Variants in PTPRM observed in about 807,000 individuals in gnomAD.
PTPRM encodes receptor-type tyrosine-protein phosphatase mu.
In PTPRM, 47 loss-of-function variants were observed where a neutral mutation model predicts 186.7. That is an observed-to-expected ratio of 0.25 (90% CI 0.20 to 0.32). The LOEUF is 0.32. Among genes scored for constraint, PTPRM ranks in the 10% least tolerant of loss-of-function variants. The pLI is 1.00. For synonymous variants in PTPRM, 668 were observed against 674.9 expected (o/e 0.99, Z 0.16); for missense variants, 1,494 against 1,865.0 (o/e 0.80, Z 3.66).
intron 1 of PTPRM, among the ~76,000 whole-genome samples, chr18:7,584,357 C>T (rs1049651068): frequency 5.9e-5 from 9 of 152,094 alleles, no homozygotes; most frequent in South Asian, 2.1e-4. Flanking sequence ...AGGTGTTTGT[C>T]GTCGATTGTT....
At chr18:8,027,305 G>A (rs192962290) in intron 7 of PTPRM, among the ~76,000 whole-genome samples, 98 of 152,030 alleles carry the variant, frequency 6.4e-4, no homozygotes, top group Non-Finnish European at 1.1e-3. Context: ...CAATTATTTC[G>A]TGATCTTAGT....
At chr18:8,226,158 A>T (rs1446442648) in intron 14 of PTPRM, among the ~76,000 whole-genome samples, 2 of 149,982 alleles carry the variant, frequency 1.3e-5, no homozygotes, top group Admixed American at 6.6e-5. Flanking sequence ...TAAAAAAAAA[A>T]TGCATCACTC....
chr18:8,379,066 T>A, intron 27 of PTPRM, 101 bp from the exon 28 acceptor site: 1 of 965,462 alleles, frequency 1.0e-6, no homozygotes. Flanking sequence ...GGGACCGTCT[T>A]GCAGTCAGCC....
Position 7,617,001 on chromosome 18 carries a change from G to A in PTPRM, c.73+49110G>A, listed in dbSNP as rs373946912. Reference sequence around the variant, plus strand: ...TCTGATCAAACAGAAGTACAGAGAGGGAGGTTCTGCATTCACAAAAAATCA... The same window carrying A: ...TCTGATCAAACAGAAGTACAGAGAGAGAGGTTCTGCATTCACAAAAAATCA... On this transcript the variant is annotated intron_variant, in intron 1 of 32. Coordinates refer to ENST00000580170, the MANE Select transcript of PTPRM (RefSeq NM_001105244.2). Among the ~76,000 whole-genome samples the A allele has an allele frequency of 7.2e-5, 11 of 152,250 alleles. No individual in the cohort carries two copies. The East Asian group carries it at 1.7e-3, about 24-fold the overall frequency.
At chr18:7,983,689 A>G (rs1476274461) in intron 7 of PTPRM, among the ~76,000 whole-genome samples, 1 of 152,150 alleles carries the variant, frequency 6.6e-6, no homozygotes, top group African/African-American at 2.4e-5. Context: ...AACTAGGAGC[A>G]GTCCTACTTT....
intron 1 of PTPRM, among the ~76,000 whole-genome samples, chr18:7,748,830 T>A (rs1363985321): frequency 6.6e-6 from 1 of 152,134 alleles, no homozygotes; most frequent in Non-Finnish European, 1.5e-5. Context: ...AGCCTTCCAT[T>A]CCCATTATTG....
intron 14 of PTPRM, among the ~76,000 whole-genome samples, chr18:8,202,388 A>G (rs1036249526): frequency 8.5e-5 from 13 of 152,270 alleles, no homozygotes; most frequent in African/African-American, 3.1e-4. Flanking sequence ...GCCATATTCT[A>G]GTTATCATAT....
In PTPRM at chr18:8,126,016, TATATA is replaced by T. The variant is rs1185925249; in HGVS notation, c.2167+11190_2167+11194del. Among the ~76,000 whole-genome samples the T allele has an allele frequency of 5.7e-3, 168 of 29,616 alleles. 14 individuals are homozygous for T. The highest frequency in any genetic ancestry group is 0.034 in the Middle Eastern group (2 of 58). 19.4% of individuals were successfully genotyped at this position (29,616 alleles called of 152,430 possible). On this transcript the variant is annotated intron_variant, in intron 13 of 32. Transcript: ENST00000580170. Reference sequence around the variant, plus strand: ...ATATATATATATATATATATATATATATATATATATATTTTAAATCAGTAGACCTT... The same window carrying T: ...ATATATATATATATATATATATATATTATATATTTTAAATCAGTAGACCTT...
chr18:7,895,247 G>T (rs527457304), intron 3 of PTPRM, among the ~76,000 whole-genome samples: 1 of 152,140 alleles, frequency 6.6e-6, no homozygotes, highest in South Asian at 2.1e-4. Flanking sequence ...GCACATTGGG[G>T]ATATGCTAGC....
At chr18:8,082,033 G>A (rs374469950) in intron 9 of PTPRM, among the ~76,000 whole-genome samples, 6 of 152,080 alleles carry the variant, frequency 3.9e-5, no homozygotes, top group South Asian at 2.1e-4. Context: ...TTAGTAAAGC[G>A]TTTGCTTGAT....
chr18:8,192,523 G>A (rs1005805578), intron 14 of PTPRM, among the ~76,000 whole-genome samples: 1 of 152,144 alleles, frequency 6.6e-6, no homozygotes, highest in Non-Finnish European at 1.5e-5. Flanking sequence ...GGGACAATTT[G>A]ATCACCCAAA....
intron 7 of PTPRM, among the ~76,000 whole-genome samples, chr18:8,041,912 G>A (rs1423717519): frequency 6.6e-6 from 1 of 152,216 alleles, no homozygotes; most frequent in East Asian, 1.9e-4. Flanking sequence ...GTCATGAAAT[G>A]TAAAACTAAT....
At chr18:8,357,428 C>T (rs2095569157) in intron 23 of PTPRM, among the ~76,000 whole-genome samples, 1 of 152,136 alleles carries the variant, frequency 6.6e-6, no homozygotes, top group Non-Finnish European at 1.5e-5. Flanking sequence ...AAGCTATCCC[C>T]CCAATTTGTC....
chr18:8,239,367 G>A (rs1331148773), intron 14 of PTPRM, among the ~76,000 whole-genome samples: 2 of 152,076 alleles, frequency 1.3e-5, no homozygotes, highest in Admixed American at 6.5e-5. Context: ...GACTGCTGAT[G>A]TATTTCAGAG....
At chr18:7,836,614 C>T (rs1230514270) in intron 2 of PTPRM, among the ~76,000 whole-genome samples, 2 of 152,118 alleles carry the variant, frequency 1.3e-5, no homozygotes, top group Non-Finnish European at 1.5e-5. Context: ...ATATATTGCT[C>T]ATTAACATCC....
intron 8 of PTPRM, among the ~76,000 whole-genome samples, chr18:8,072,467 C>T (rs1039601316): frequency 3.3e-5 from 5 of 152,074 alleles, no homozygotes; most frequent in African/African-American, 9.7e-5. Context: ...AGCACACTAG[C>T]GTTTCATTAA....
At chr18:8,096,219 G>C (rs1375774396) in intron 11 of PTPRM, among the ~76,000 whole-genome samples, 1 of 152,214 alleles carries the variant, frequency 6.6e-6, no homozygotes, top group African/African-American at 2.4e-5. Context: ...GGGTGATTGT[G>C]GCTCATTCTT....
At chr18:8,303,930 A>G (rs554938566) in intron 20 of PTPRM, among the ~76,000 whole-genome samples, 21 of 152,350 alleles carry the variant, frequency 1.4e-4, no homozygotes, top group African/African-American at 4.6e-4. Flanking sequence ...CACAACAGCA[A>G]TCCTCAGCCC....
intron 2 of PTPRM, among the ~76,000 whole-genome samples, chr18:7,870,459 G>A (rs2146174601): frequency 6.6e-6 from 1 of 152,226 alleles, no homozygotes; most frequent in South Asian, 2.1e-4. Context: ...TTGTGCATAT[G>A]GTTGAGTACA....
Sources: allele counts gnomAD v4.1 joint callset (sites outside exome capture counted in the v4.1 genomes callset), GRCh38; gene constraint gnomAD v4.1.1; transcripts MANE v1.5; gene names NCBI Gene and HGNC (gene_info 2026-07-23, HGNC 2026-07-21).